Variants in ITCH observed in about 807,000 individuals in gnomAD.
The protein encoded by ITCH is E3 ubiquitin-protein ligase Itchy homolog.
A neutral mutation model predicts 126.8 loss-of-function variants in ITCH; 28 were observed. The ratio of observed to expected loss-of-function variants is 0.22; its 90% CI spans 0.16 to 0.30. The LOEUF is 0.30. ITCH is among the 10% of genes least tolerant of loss of function. The pLI is 1.00. For synonymous variants in ITCH, 342 were observed against 340.0 expected (o/e 1.01, Z -0.06); for missense variants, 631 against 1,032.4 (o/e 0.61, Z 5.33).
In ITCH at chr20:34,507,847, C is replaced by T; in HGVS notation, c.*53C>T. 2 of 1,296,706 alleles carry T rather than the reference C, an allele frequency of 1.5e-6. No homozygotes were observed. The highest frequency in any genetic ancestry group is 1.1e-6 in the Non-Finnish European group (1 of 892,434). The allele number at this position is 1,296,706 out of a possible 1,614,324, so 80.3% of individuals were successfully genotyped here. ...CAAGAACTTATTTGCAATGTTTGTC[C>T]TTCTCTGCCTGTTGCACATCTTGTA... On this transcript the variant is annotated 3_prime_UTR_variant, in exon 25 of 25. Coordinates refer to ENST00000374864, the MANE Select transcript of ITCH (RefSeq NM_031483.7).
At chr20:34,430,420 G>A (rs1164447680) in intron 7 of ITCH, among the ~76,000 whole-genome samples, 2 of 151,878 alleles carry the variant, frequency 1.3e-5, no homozygotes, top group Non-Finnish European at 1.5e-5. Flanking sequence ...AAAGACTTAC[G>A]GAATTTTTTT....
intron 16 of ITCH, chr20:34,476,402 G>T (rs1988231039): frequency 3.2e-6 from 4 of 1,241,478 alleles, no homozygotes; most frequent in Non-Finnish European, 4.0e-6. Flanking sequence ...GCGTGGTGCA[G>T]CCACCGGCCG....
chr20:34,386,372 T>C (rs2038284637), intron 2 of ITCH, among the ~76,000 whole-genome samples: 1 of 152,206 alleles, frequency 6.6e-6, no homozygotes, highest in Non-Finnish European at 1.5e-5. Flanking sequence ...AGTTTTTCAC[T>C]TGAGTAGTGT....
intron 17 of ITCH, among the ~76,000 whole-genome samples, chr20:34,478,760 A>AT (rs2146461598): frequency 6.6e-6 from 1 of 152,328 alleles, no homozygotes; most frequent in African/African-American, 2.4e-5. Context: ...TTTAAATAAA[A>AT]TTATTTCAAA....
chr20:34,453,474 G>A (rs1391676614), intron 12 of ITCH, among the ~76,000 whole-genome samples: 1 of 152,106 alleles, frequency 6.6e-6, no homozygotes, highest in Non-Finnish European at 1.5e-5. Flanking sequence ...TGGCATGCCT[G>A]TAGTTCCAGC....
chr20:34,496,965 C>T (rs1479077098), intron 23 of ITCH, among the ~76,000 whole-genome samples: 1 of 151,972 alleles, frequency 6.6e-6, no homozygotes, highest in Non-Finnish European at 1.5e-5. Context: ...TATTCCAGTA[C>T]CATTTATTGA....
chr20:34,456,202 ATATATATATATATTTTTTTTTTTTTTTTT>A (rs1985949093), intron 12 of ITCH, among the ~76,000 whole-genome samples: 2 of 31,680 alleles, frequency 6.3e-5, no homozygotes, highest in African/African-American at 2.7e-4. Context: ...ATATATATAT[ATATATATATATATTTTTTTTTTTTTTTTT>A]TTTTTTTTTT....
At chr20:34,364,124 A>G (rs1259511263) in intron 1 of ITCH, among the ~76,000 whole-genome samples, 1 of 152,232 alleles carries the variant, frequency 6.6e-6, no homozygotes, top group Non-Finnish European at 1.5e-5. Flanking sequence ...CGTCCGCGAC[A>G]GAAAAGAGAA....
intron 3 of ITCH, among the ~76,000 whole-genome samples, chr20:34,395,442 C>A (rs1315598881): frequency 6.6e-6 from 1 of 152,088 alleles, no homozygotes; most frequent in Non-Finnish European, 1.5e-5. Flanking sequence ...GTCAGAGAGA[C>A]CTTGAGAGAC....
intron 7 of ITCH, among the ~76,000 whole-genome samples, chr20:34,433,807 C>T (rs1401556116): frequency 1.3e-5 from 2 of 151,842 alleles, no homozygotes; most frequent in Admixed American, 1.3e-4. Context: ...CAAATAAAAA[C>T]CCACCCAGAA....
At position 34,438,485 on chromosome 20, in the gene ITCH, A is replaced by G. The variant is rs760820172; in HGVS notation, c.533A>G (p.Asn178Ser). 6.8e-6 allele frequency: 11 copies of G among 1,614,038 alleles called. No homozygotes were observed. Among genetic ancestry groups the G allele is most frequent in the Middle Eastern group, 1.6e-4 (1 of 6,062 alleles). The change falls in exon 8 of 25, where the codon AAT (asparagine) becomes AGT (serine). Residue 178 changes from asparagine (N) to serine (S), a missense_variant. This residue lies in a region of ITCH where 220 missense variants were observed against 265.7 expected (regional missense o/e 0.83). Transcript: ENST00000374864. ...CTCTTCTTACCCAGAGTGAGCACAAATGGATCAGATGACCCTGAAGATGCA... is the reference window on the plus strand; with the variant it reads ...CTCTTCTTACCCAGAGTGAGCACAAGTGGATCAGATGACCCTGAAGATGCA... Reference protein sequence around the residue: ...RSKDETRVSTNGSDDPEDAGA... With the variant: ...RSKDETRVSTSGSDDPEDAGA...
At chr20:34,419,975 A>G (rs1203488684) in intron 6 of ITCH, among the ~76,000 whole-genome samples, 2 of 151,772 alleles carry the variant, frequency 1.3e-5, no homozygotes, top group African/African-American at 2.4e-5. Context: ...GCATATGTTT[A>G]TTAATAAACA....
intron 6 of ITCH, among the ~76,000 whole-genome samples, chr20:34,421,653 T>A (rs1980785536): frequency 6.6e-6 from 1 of 152,148 alleles, no homozygotes; most frequent in Admixed American, 6.6e-5. Context: ...GAGGATAAGA[T>A]CTAAATAATT....
intron 16 of ITCH, chr20:34,476,364 C>T: frequency 7.4e-7 from 1 of 1,346,168 alleles, no homozygotes; most frequent in Non-Finnish European, 9.8e-7. Flanking sequence ...GGCTCCTCAG[C>T]AGGCCGCTGG....
At chr20:34,494,750 G>T (rs375544513) in intron 23 of ITCH, among the ~76,000 whole-genome samples, 2 of 152,160 alleles carry the variant, frequency 1.3e-5, no homozygotes, top group African/African-American at 4.8e-5. Flanking sequence ...CACGAGCCCA[G>T]GGGTTTGAGA....
rs1312659165 is a variant in ITCH, at chr20:34,503,870, GT to G, written c.2417-448del. Among the ~76,000 whole-genome samples the G allele has an allele frequency of 1.8e-3, 99 of 56,026 alleles. 1 individual carries two copies. Among genetic ancestry groups the G allele is most frequent in the African/African-American group, 3.9e-3 (56 of 14,500 alleles). 36.8% of individuals were successfully genotyped at this position (56,026 alleles called of 152,430 possible). A position where few individuals can be genotyped will look rare whatever the true frequency, so the allele number is the denominator to read the frequency against. On this transcript the variant is annotated intron_variant, in intron 23 of 24. Transcript: ENST00000374864. ...TTTTTTGGGTTTTTTTTTTTTTTTG[GT>G]TTTTTTTTTTTTGGTTTTTTTTTTT...
At chr20:34,365,154 C>T (rs1407712614) in intron 1 of ITCH, among the ~76,000 whole-genome samples, 2 of 151,850 alleles carry the variant, frequency 1.3e-5, no homozygotes, top group African/African-American at 2.4e-5. Context: ...GAGCTGTTAC[C>T]GTTGCCACTG....
chr20:34,399,421 C>A (rs1373911417), intron 3 of ITCH, among the ~76,000 whole-genome samples: 1 of 151,954 alleles, frequency 6.6e-6, no homozygotes, highest in African/African-American at 2.4e-5. Flanking sequence ...TAAAAATAAA[C>A]AAATGTCACC....
intron 23 of ITCH, among the ~76,000 whole-genome samples, chr20:34,499,019 G>C (rs993237566): frequency 5.3e-5 from 8 of 151,050 alleles, no homozygotes; most frequent in Non-Finnish European, 1.2e-4. Context: ...CTTTCACCCA[G>C]GCTGGAACGC....
Sources: allele counts gnomAD v4.1 joint callset (sites outside exome capture counted in the v4.1 genomes callset), GRCh38; gene constraint gnomAD v4.1.1; regional missense constraint gnomAD v4.1.1; transcripts MANE v1.5; gene names NCBI Gene and HGNC (gene_info 2026-07-23, HGNC 2026-07-21).